KCNH7: variants seen among roughly 807,000 people sequenced by gnomAD.
The protein encoded by KCNH7 is voltage-gated inwardly rectifying potassium channel KCNH7.
Under a neutral mutation model 120.8 loss-of-function variants are expected in KCNH7, and 49 were observed. The ratio of observed to expected loss-of-function variants is 0.41; its 90% CI spans 0.32 to 0.51. The LOEUF (loss-of-function observed/expected upper bound fraction) is 0.51, where lower values mean the gene tolerates loss of function less well. KCNH7 is among the 20% of genes least tolerant of loss of function. KCNH7 has a pLI of 0.38. For missense variants in KCNH7, 1,097 were observed against 1,446.6 expected, an observed-to-expected ratio of 0.76 and a Z score of 3.92; for synonymous variants, 547 against 516.1, an observed-to-expected ratio of 1.06 and a Z score of -0.81.
intron 6 of KCNH7, among the ~76,000 whole-genome samples, chr2:162,483,391 C>T (rs1021076186): frequency 8.5e-5 from 13 of 152,108 alleles, no homozygotes; most frequent in African/African-American, 2.7e-4. Context: ...TATTTTGCTA[C>T]ATGGTCTTTT....
chr2:162,624,387 G>A (rs1290713630), intron 2 of KCNH7, among the ~76,000 whole-genome samples: 1 of 152,116 alleles, frequency 6.6e-6, no homozygotes, highest in African/African-American at 2.4e-5. Flanking sequence ...CTATGGATAA[G>A]AGGATACTAC....
At chr2:162,817,105 A>T (rs1003282820) in intron 2 of KCNH7, among the ~76,000 whole-genome samples, 1 of 152,134 alleles carries the variant, frequency 6.6e-6, no homozygotes, top group Non-Finnish European at 1.5e-5. Flanking sequence ...GTGAAATGCA[A>T]ATTTATACAA....
Position 162,591,125 on chromosome 2 carries a change from C to T in KCNH7, c.308-54045G>A, listed in dbSNP as rs139657497. Among the ~76,000 whole-genome samples, 1,179 of 152,182 alleles carry T rather than the reference C, an allele frequency of 7.7e-3. 11 individuals are homozygous for T. The highest frequency in any genetic ancestry group is 0.013 in the Non-Finnish European group (863 of 67,970). On this transcript the variant is annotated intron_variant, in intron 2 of 15. Coordinates refer to ENST00000332142, the MANE Select transcript of KCNH7 (RefSeq NM_033272.4). ...CTCCACCTGTAAGGCTCAGCTAAAC[C>T]CTCTTCCCAGAGAAATCTTCCTTGA...
chr2:162,444,992 CTT>C (rs1688534679), intron 7 of KCNH7, among the ~76,000 whole-genome samples: 1 of 151,928 alleles, frequency 6.6e-6, no homozygotes, highest in African/African-American at 2.4e-5. Flanking sequence ...CAGGTTGGGA[CTT>C]TGTTTAAAAT....
At position 162,500,888 on chromosome 2, in the gene KCNH7, G is replaced by A. The variant is rs535411869; in HGVS notation, c.1128+3555C>T. Among the ~76,000 whole-genome samples, 579 of 152,192 alleles carry A rather than the reference G, an allele frequency of 3.8e-3. 2 individuals are homozygous for A. Among genetic ancestry groups the A allele is most frequent in the Non-Finnish European group, 5.9e-3 (402 of 67,994 alleles). On this transcript the variant is annotated intron_variant, in intron 6 of 15. Transcript: ENST00000332142. ...ATTACTAAGTTGTTTTTGGTGACCA[G>A]AGGACAACTAATGTTAAAAGTAGTG...
At chr2:162,647,437 T>A (rs1277562072) in intron 2 of KCNH7, among the ~76,000 whole-genome samples, 1 of 152,168 alleles carries the variant, frequency 6.6e-6, no homozygotes, top group Non-Finnish European at 1.5e-5. Context: ...GTGGCCACAT[T>A]TACAGATTCT....
At chr2:162,533,436 A>C (rs1692000729) in intron 3 of KCNH7, among the ~76,000 whole-genome samples, 1 of 151,790 alleles carries the variant, frequency 6.6e-6, no homozygotes, top group Non-Finnish European at 1.5e-5. Flanking sequence ...CTGTATAAAA[A>C]AGACACAACC....
In KCNH7 at chr2:162,793,739, G is replaced by A. The variant is rs116101075; in HGVS notation, c.307+42798C>T. 2.0e-3 allele frequency among the ~76,000 whole-genome samples: 297 copies of A among 152,124 alleles called. 1 individual carries two copies. The highest frequency in any genetic ancestry group is 4.7e-3 in the Admixed American group (71 of 15,248). ...CCAGGGAACAGGGATTGGGAGGAAT[G>A]GAGTGATGTTGGTCAAATGGTAGAA... On this transcript the variant is annotated intron_variant, in intron 2 of 15. Transcript: ENST00000332142.
At chr2:162,759,590 T>C (rs1414664390) in intron 2 of KCNH7, among the ~76,000 whole-genome samples, 1 of 151,800 alleles carries the variant, frequency 6.6e-6, no homozygotes, top group Admixed American at 6.6e-5. Flanking sequence ...ATCACTGATG[T>C]TGATTGGAAA....
At chr2:162,379,803 C>A (rs1042246628) in intron 14 of KCNH7, 50 bp downstream of exon 14, 1 of 1,563,064 alleles carries the variant, frequency 6.4e-7, no homozygotes, top group Non-Finnish European at 8.7e-7. Context: ...AAAACTGGAC[C>A]CATGTAAGGG....
intron 2 of KCNH7, among the ~76,000 whole-genome samples, chr2:162,559,166 TA>T (rs746693426): frequency 3.9e-4 from 59 of 151,716 alleles, no homozygotes; most frequent in Non-Finnish European, 5.3e-4. Flanking sequence ...ATGTAAATGA[TA>T]AAAATTGCTA....
At chr2:162,400,601 C>T (rs1366845466) in intron 9 of KCNH7, among the ~76,000 whole-genome samples, 160 bp from the exon 10 acceptor site, 1 of 151,890 alleles carries the variant, frequency 6.6e-6, no homozygotes, top group Non-Finnish European at 1.5e-5. Context: ...ACTTGATTTG[C>T]TAAACATGTC....
chr2:162,392,736 T>C (rs1686781063), intron 12 of KCNH7, among the ~76,000 whole-genome samples: 1 of 151,688 alleles, frequency 6.6e-6, no homozygotes, highest in Non-Finnish European at 1.5e-5. Flanking sequence ...GATGAACTGA[T>C]GGGGGAAGAT....
At chr2:162,781,499 A>C (rs1206911755) in intron 2 of KCNH7, among the ~76,000 whole-genome samples, 1 of 152,130 alleles carries the variant, frequency 6.6e-6, no homozygotes, top group Non-Finnish European at 1.5e-5. Flanking sequence ...AAGAGAATGA[A>C]AACAAATACA....
At chr2:162,769,674 A>C (rs1216223362) in intron 2 of KCNH7, among the ~76,000 whole-genome samples, 1 of 151,864 alleles carries the variant, frequency 6.6e-6, no homozygotes, top group African/African-American at 2.4e-5. Flanking sequence ...TATATATATT[A>C]TGCATACATA....
rs190535208 is a variant in KCNH7, at chr2:162,564,470, T to A, written c.308-27390A>T. On this transcript the variant is annotated intron_variant, in intron 2 of 15. Coordinates refer to ENST00000332142, the MANE Select transcript of KCNH7 (RefSeq NM_033272.4). ...GCAAGCCACATCCCCCTGAGGAAATTGGGGTCCAGAGAGGTGAAAGATACT... is the reference window on the plus strand; with the variant it reads ...GCAAGCCACATCCCCCTGAGGAAATAGGGGTCCAGAGAGGTGAAAGATACT... 5.8e-4 allele frequency among the ~76,000 whole-genome samples: 88 copies of A among 152,286 alleles called. No homozygotes were observed. In the East Asian group the frequency reaches 9.5e-3, roughly 16 times the overall value.
At chr2:162,782,893 C>A (rs1683552931) in intron 2 of KCNH7, among the ~76,000 whole-genome samples, 1 of 152,088 alleles carries the variant, frequency 6.6e-6, no homozygotes, top group African/African-American at 2.4e-5. Context: ...TATAAGTTGA[C>A]AATAAGAGCA....
At chr2:162,557,467 C>T (rs1692897900) in intron 2 of KCNH7, among the ~76,000 whole-genome samples, 1 of 152,122 alleles carries the variant, frequency 6.6e-6, no homozygotes, top group African/African-American at 2.4e-5. Flanking sequence ...TATTCAAGGA[C>T]ACAGAGAAAC....
intron 2 of KCNH7, among the ~76,000 whole-genome samples, chr2:162,568,402 T>C (rs1693334661): frequency 6.6e-6 from 1 of 152,088 alleles, no homozygotes; most frequent in Admixed American, 6.6e-5. Flanking sequence ...CTGTACCTTC[T>C]AGATTTGTGT....
Sources: gnomAD v4.1 joint callset for allele counts (sites outside exome capture counted in the v4.1 genomes callset) on GRCh38, gnomAD v4.1.1 for gene constraint, MANE v1.5 for transcripts, NCBI Gene and HGNC (gene_info 2026-07-23, HGNC 2026-07-21) for gene names.